Variants in MLLT3 observed in about 807,000 individuals in gnomAD.
The protein encoded by MLLT3 is protein AF-9.
A neutral mutation model predicts 53.2 loss-of-function variants in MLLT3; 4 were observed. The observed-to-expected ratio is 0.08, with a 90% CI of 0.04 to 0.17. The LOEUF is 0.17. MLLT3 is among the 10% of genes least tolerant of loss of function. MLLT3 has a pLI of 1.00. For missense variants in MLLT3, 569 were observed against 684.0 expected, an observed-to-expected ratio of 0.83 and a Z score of 1.87; for synonymous variants, 283 against 230.6, an observed-to-expected ratio of 1.23 and a Z score of -2.06.
intron 2 of MLLT3, among the ~76,000 whole-genome samples, chr9:20,557,066 C>T (rs545428838): frequency 1.3e-5 from 2 of 152,142 alleles, no homozygotes; most frequent in South Asian, 4.2e-4. Context: ...AACAGCTCCT[C>T]GGTTTGCACC....
intron 4 of MLLT3, among the ~76,000 whole-genome samples, chr9:20,424,992 T>G (rs1358197716): frequency 1.3e-5 from 2 of 152,100 alleles, no homozygotes; most frequent in African/African-American, 4.8e-5. Flanking sequence ...CCACCACTAG[T>G]GCAGACAAGC....
chr9:20,458,599 G>C (rs1324882910), intron 2 of MLLT3, among the ~76,000 whole-genome samples: 1 of 152,122 alleles, frequency 6.6e-6, no homozygotes, highest in Non-Finnish European at 1.5e-5. Flanking sequence ...TAGCACCCTA[G>C]AGAGCTCTCT....
intron 2 of MLLT3, among the ~76,000 whole-genome samples, chr9:20,574,357 A>G (rs1401549811): frequency 6.6e-6 from 1 of 152,226 alleles, no homozygotes; most frequent in Non-Finnish European, 1.5e-5. Flanking sequence ...AAAGAACAAA[A>G]GTTCTGTGAA....
rs77926123 is a variant in MLLT3 at position 20,432,739 on chromosome 9, C to T, written c.420+15384G>A. The stretch of plus-strand genomic sequence containing the variant: ...ATCTTTTTGTTCATTGAATACATAT[C>T]GGCGTAAACAAACACACTTGGGAAA... On this transcript the variant is annotated intron_variant, in intron 4 of 10. Transcript: ENST00000380338. Among the ~76,000 whole-genome samples, 11 of 152,052 alleles carry T rather than the reference C, an allele frequency of 7.2e-5. No individual in the cohort carries two copies. In the East Asian group the frequency reaches 1.5e-3, roughly 21 times the overall value.
intron 2 of MLLT3, chr9:20,532,722 GC>G: frequency 3.8e-6 from 1 of 264,638 alleles, no homozygotes; most frequent in South Asian, 6.5e-5. Context: ...TTGTGAAATG[GC>G]CCCACTATAT....
chr9:20,458,684 CCACCATGCTGG>C lies in MLLT3; in HGVS notation c.194-1909_194-1899del, dbSNP rs1202989938. Among the ~76,000 whole-genome samples, 5 of 152,214 alleles carry C rather than the reference CCACCATGCTGG, an allele frequency of 3.3e-5. No individual in the cohort carries two copies. The East Asian group carries it at 9.7e-4, about 29-fold the overall frequency. On this transcript the variant is annotated intron_variant, in intron 2 of 10. Coordinates refer to ENST00000380338, the MANE Select transcript of MLLT3 (RefSeq NM_004529.4). Reference sequence around the variant, plus strand: ...TCTGAGGAGGGCCCCCACCAGAATCCCACCATGCTGGCACTCTGATCTGGGACTTTCAGTCT... The same window carrying C: ...TCTGAGGAGGGCCCCCACCAGAATCCCACTCTGATCTGGGACTTTCAGTCT...
rs904740647 is a variant in MLLT3 at position 20,420,169 on chromosome 9, A to G, written c.421-5744T>C. ...AAGGGAAAATGGAAAATGAATATCA[A>G]CTTGAAAATATAGGCAAAATTAAGA... On this transcript the variant is annotated intron_variant, in intron 4 of 10. Coordinates refer to ENST00000380338, the MANE Select transcript of MLLT3 (RefSeq NM_004529.4). Among the ~76,000 whole-genome samples, 3 of 152,334 alleles carry G rather than the reference A, an allele frequency of 2.0e-5. No individual in the cohort carries two copies. The East Asian group carries it at 5.8e-4, about 29-fold the overall frequency.
intron 2 of MLLT3, among the ~76,000 whole-genome samples, chr9:20,554,986 A>G (rs6475459): frequency 0.59 from 89,457 of 152,106 alleles, 27,940 homozygotes; most frequent in Middle Eastern, 0.69. Flanking sequence ...AATAATTTTA[A>G]TCTTAATTTT....
chr9:20,576,670 G>A (rs1819661871), intron 2 of MLLT3, among the ~76,000 whole-genome samples: 3 of 152,092 alleles, frequency 2.0e-5, no homozygotes, highest in African/African-American at 7.2e-5. Context: ...AATTACAATA[G>A]TAACATCAAC....
chr9:20,394,730 A>G (rs891734249), intron 5 of MLLT3, among the ~76,000 whole-genome samples: 1 of 152,194 alleles, frequency 6.6e-6, no homozygotes, highest in Non-Finnish European at 1.5e-5. Context: ...CAAACATGGA[A>G]CGTATTTTTA....
chr9:20,569,647 G>A (rs977363625), intron 2 of MLLT3, among the ~76,000 whole-genome samples: 7 of 152,160 alleles, frequency 4.6e-5, no homozygotes, highest in Admixed American at 1.3e-4. Flanking sequence ...AAGCACTAGG[G>A]AAAACTCAGC....
intron 2 of MLLT3, among the ~76,000 whole-genome samples, chr9:20,613,470 A>G (rs1338072471): frequency 6.6e-6 from 1 of 152,228 alleles, no homozygotes; most frequent in Non-Finnish European, 1.5e-5. Flanking sequence ...TGCATCTATA[A>G]TAGTTAATTC....
At chr9:20,406,485 T>C (rs1025638332) in intron 5 of MLLT3, among the ~76,000 whole-genome samples, 1 of 152,196 alleles carries the variant, frequency 6.6e-6, no homozygotes, top group Non-Finnish European at 1.5e-5. Context: ...TTTTAATAAC[T>C]TAAAGTGACA....
Position 20,559,025 on chromosome 9 carries a change from T to C in MLLT3, c.193+61629A>G, listed in dbSNP as rs562330080. On this transcript the variant is annotated intron_variant, in intron 2 of 10. Coordinates refer to ENST00000380338, the MANE Select transcript of MLLT3 (RefSeq NM_004529.4). ...ATGATGAGGGTAGACTGTAGCACAA[T>C]GGTTGTTTTATCCTGTTCCAGGTCC... Among the ~76,000 whole-genome samples the C allele has an allele frequency of 7.2e-5, 11 of 152,260 alleles. No individual in the cohort carries two copies. The South Asian group carries it at 1.7e-3, about 23-fold the overall frequency.
chr9:20,541,099 A>AGAGT (rs1818618297), intron 2 of MLLT3, among the ~76,000 whole-genome samples: 1 of 152,218 alleles, frequency 6.6e-6, no homozygotes, highest in South Asian at 2.1e-4. Flanking sequence ...AATTATAGCA[A>AGAGT]GAGTGACCTT....
At position 20,536,483 on chromosome 9, in the gene MLLT3, G is replaced by A. The variant is rs140519295; in HGVS notation, c.194-79697C>T. Among the ~76,000 whole-genome samples, 30 of 152,198 alleles carry A rather than the reference G, an allele frequency of 2.0e-4. No homozygotes were observed. The East Asian group carries it at 4.8e-3, about 24-fold the overall frequency. ...CCCCACTGCCTTTAATACTGAGCAC[G>A]CCATAAAAACCAATATGCAATGCTA... On this transcript the variant is annotated intron_variant, in intron 2 of 10. Transcript: ENST00000380338.
intron 2 of MLLT3, among the ~76,000 whole-genome samples, chr9:20,550,836 T>C (rs1447040193): frequency 6.6e-6 from 1 of 152,208 alleles, no homozygotes; most frequent in African/African-American, 2.4e-5. Flanking sequence ...TAGCTCACTA[T>C]AACTACAACC....
At chr9:20,385,897 T>C (rs1822022491) in intron 5 of MLLT3, among the ~76,000 whole-genome samples, 1 of 152,208 alleles carries the variant, frequency 6.6e-6, no homozygotes, top group Non-Finnish European at 1.5e-5. Flanking sequence ...TTCAATGGTC[T>C]CTCTCTAGCA....
At chr9:20,563,295 C>CT (rs5896905) in intron 2 of MLLT3, among the ~76,000 whole-genome samples, 106,494 of 150,344 alleles carry the variant, frequency 0.71, 40,392 homozygotes, top group Middle Eastern at 0.89. Flanking sequence ...ATCTAAAACA[C>CT]TTTTTTTTTT....
Sources: gnomAD v4.1 joint callset for allele counts (sites outside exome capture counted in the v4.1 genomes callset) on GRCh38, gnomAD v4.1.1 for gene constraint, MANE v1.5 for transcripts, NCBI Gene and HGNC (gene_info 2026-07-23, HGNC 2026-07-21) for gene names.